PTPRO: variants seen among roughly 807,000 people sequenced by gnomAD.
PTPRO encodes protein tyrosine phosphatase receptor type O.
Under a neutral mutation model 145.2 loss-of-function variants are expected in PTPRO, and 62 were observed. The observed-to-expected ratio is 0.43, with a 90% CI of 0.35 to 0.53. PTPRO has a LOEUF of 0.53. Among genes scored for constraint, PTPRO ranks in the 20% least tolerant of loss-of-function variants. The pLI is 0.01. For missense variants in PTPRO, 1,345 were observed against 1,482.7 expected, an observed-to-expected ratio of 0.91 and a Z score of 1.53; for synonymous variants, 565 against 514.7, an observed-to-expected ratio of 1.10 and a Z score of -1.32.
chr12:15,462,786 ATTG>A (rs1446711377), intron 1 of PTPRO, among the ~76,000 whole-genome samples: 1 of 152,118 alleles, frequency 6.6e-6, no homozygotes, highest in Non-Finnish European at 1.5e-5. Flanking sequence ...AGCTATTACA[ATTG>A]TTATTATTCT....
intron 13 of PTPRO, among the ~76,000 whole-genome samples, chr12:15,547,102 A>G (rs899029994): frequency 2.0e-5 from 3 of 152,246 alleles, no homozygotes; most frequent in Admixed American, 2.0e-4. Flanking sequence ...AAACATTTTT[A>G]TATGGTGTAG....
At chr12:15,572,210 T>A (rs919375141) in intron 19 of PTPRO, among the ~76,000 whole-genome samples, 6 of 152,230 alleles carry the variant, frequency 3.9e-5, no homozygotes, top group African/African-American at 1.4e-4. Flanking sequence ...TGCTCATGTA[T>A]AAGTTTCAAT....
intron 17 of PTPRO, 28 bp downstream of exon 17, chr12:15,560,304 A>G (rs1387529828): frequency 6.7e-7 from 1 of 1,482,220 alleles, no homozygotes; most frequent in African/African-American, 1.4e-5. Context: ...ACTGTTTAAC[A>G]CAAACTCTTT....
chr12:15,551,837 A>G (rs903658433), intron 15 of PTPRO, among the ~76,000 whole-genome samples, 166 bp downstream of exon 15: 2 of 152,044 alleles, frequency 1.3e-5, no homozygotes, highest in East Asian at 1.9e-4. Flanking sequence ...GAAACATTAT[A>G]TTGGAAAATA....
intron 1 of PTPRO, among the ~76,000 whole-genome samples, chr12:15,426,876 C>T (rs959796889): frequency 6.6e-6 from 1 of 151,914 alleles, no homozygotes; most frequent in Admixed American, 6.6e-5. Context: ...TCTGATAATC[C>T]TAATGGGGTA....
intron 1 of PTPRO, among the ~76,000 whole-genome samples, chr12:15,324,973 C>CA (rs1406551421): frequency 6.6e-6 from 1 of 152,100 alleles, no homozygotes; most frequent in East Asian, 1.9e-4. Context: ...CAGATCTACT[C>CA]AAGCAGGTTG....
intron 1 of PTPRO, among the ~76,000 whole-genome samples, chr12:15,352,065 T>C (rs1937820757): frequency 6.6e-6 from 1 of 152,162 alleles, no homozygotes; most frequent in African/African-American, 2.4e-5. Context: ...TCTTTGTGGA[T>C]GCACTTTGAG....
At chr12:15,425,915 T>C (rs1165629898) in intron 1 of PTPRO, among the ~76,000 whole-genome samples, 1 of 151,992 alleles carries the variant, frequency 6.6e-6, no homozygotes, top group Non-Finnish European at 1.5e-5. Context: ...CAAATAAATA[T>C]ATACAATTAG....
At chr12:15,508,795 C>G (rs938620948) in intron 7 of PTPRO, 28 bp downstream of exon 7, 1 of 1,606,386 alleles carries the variant, frequency 6.2e-7, no homozygotes, top group African/African-American at 1.3e-5. Flanking sequence ...AGAATGGGCT[C>G]GCCGGTCCTT....
In PTPRO at chr12:15,371,745, A is replaced by G. The variant is rs548316287; in HGVS notation, c.75+48944A>G. On this transcript the variant is annotated intron_variant, in intron 1 of 26. Transcript: ENST00000281171. ...CCCCATAATCCCCATGTGTTAAGAG[A>G]GAGACCAGGTGGAGGTAATTGAATC... Among the ~76,000 whole-genome samples the G allele has an allele frequency of 1.3e-4, 20 of 152,210 alleles. No homozygotes were observed. The South Asian group carries it at 4.2e-3, about 32-fold the overall frequency.
chr12:15,333,096 G>A (rs2136202986), intron 1 of PTPRO, among the ~76,000 whole-genome samples: 1 of 152,106 alleles, frequency 6.6e-6, no homozygotes, highest in East Asian at 1.9e-4. Flanking sequence ...TCTTCCCGAG[G>A]GTGTTCCACG....
At chr12:15,391,216 T>C (rs1939181856) in intron 1 of PTPRO, among the ~76,000 whole-genome samples, 1 of 152,218 alleles carries the variant, frequency 6.6e-6, no homozygotes, top group South Asian at 2.1e-4. Flanking sequence ...TTTTATAAAG[T>C]GCAAGCAATC....
intron 1 of PTPRO, among the ~76,000 whole-genome samples, chr12:15,439,114 G>T (rs1940683578): frequency 6.6e-6 from 1 of 152,128 alleles, no homozygotes; most frequent in Admixed American, 6.5e-5. Context: ...GAGACTGGGG[G>T]CCTATTTTCA....
intron 1 of PTPRO, among the ~76,000 whole-genome samples, chr12:15,385,296 C>G (rs1189282071): frequency 6.6e-6 from 1 of 152,074 alleles, no homozygotes. Flanking sequence ...AAGGCAAGAG[C>G]AGGGTACCAA....
At chr12:15,337,460 G>A (rs1866803809) in intron 1 of PTPRO, 1 of 152,154 alleles carries the variant, frequency 6.6e-6, no homozygotes, top group African/African-American at 2.4e-5. Context: ...GTGATGGATG[G>A]TTACCTCTTC....
chr12:15,592,086 C>CT (rs964767786), intron 25 of PTPRO, among the ~76,000 whole-genome samples: 6 of 150,686 alleles, frequency 4.0e-5, no homozygotes, highest in Non-Finnish European at 7.4e-5. Context: ...TTATCTGTGT[C>CT]TTTTTTTTTA....
intron 7 of PTPRO, among the ~76,000 whole-genome samples, chr12:15,512,846 A>G (rs1461023609): frequency 6.6e-6 from 1 of 151,816 alleles, no homozygotes; most frequent in Non-Finnish European, 1.5e-5. Context: ...ACACAAAAAT[A>G]AGCTGAGCAT....
intron 2 of PTPRO, among the ~76,000 whole-genome samples, chr12:15,491,939 GACAA>G (rs72189659): frequency 1.2e-3 from 181 of 151,594 alleles, no homozygotes; most frequent in Non-Finnish European, 1.7e-3. Context: ...CTTCCTGTTT[GACAA>G]ACAAACAAAC....
At chr12:15,363,109 G>A (rs757306804) in intron 1 of PTPRO, among the ~76,000 whole-genome samples, 3 of 152,020 alleles carry the variant, frequency 2.0e-5, no homozygotes, top group African/African-American at 4.8e-5. Flanking sequence ...GCCGACCTTG[G>A]GTATGTCTAG....
Sources: gnomAD v4.1 joint callset for allele counts (sites outside exome capture counted in the v4.1 genomes callset) on GRCh38, gnomAD v4.1.1 for gene constraint, MANE v1.5 for transcripts, NCBI Gene and HGNC (gene_info 2026-07-23, HGNC 2026-07-21) for gene names.